FRMPD4: variants seen among roughly 807,000 people sequenced by gnomAD.
The protein encoded by FRMPD4 is FERM and PDZ domain containing 4, also known as FERM and PDZ domain-containing protein 4.
In FRMPD4, 22 loss-of-function variants were observed where a neutral mutation model predicts 94.1. The observed-to-expected ratio is 0.23, with a 90% CI of 0.17 to 0.33. The LOEUF is 0.33. Ranked by LOEUF, FRMPD4 falls within the 10% of genes least tolerant of loss-of-function variation. The probability of loss-of-function intolerance (pLI) is 1.00; values close to 1 mark genes in which losing one functional copy is unlikely to be tolerated. For synonymous variants in FRMPD4, 631 were observed against 548.6 expected (o/e 1.15, Z -2.10); for missense variants, 1,111 against 1,339.9 (o/e 0.83, Z 2.67).
At chrX:12,092,667 T>C (rs2055164020) in intron 3 of FRMPD4, among the ~76,000 whole-genome samples, 1 of 111,672 alleles carries the variant, frequency 9.0e-6, no homozygotes, top group Admixed American at 9.5e-5. Context: ...CCAAACCTCA[T>C]TCCCATTCTC....
In FRMPD4 at chrX:12,593,033, C is replaced by G. The variant is rs146872437; in HGVS notation, c.159-16688C>G. The stretch of plus-strand genomic sequence containing the variant: ...CCTGGGTTGATGACTTCCTAGGCCT[C>G]GTTCAAGACTGGCATCCTTGATTTT... On this transcript the variant is annotated intron_variant, in intron 2 of 16. Transcript: ENST00000675598. Among the ~76,000 whole-genome samples the G allele has an allele frequency of 7.0e-4, 78 of 111,703 alleles. 2 individuals carry two copies. In the East Asian group the frequency reaches 0.021, roughly 30 times the overall value.
intron 4 of FRMPD4, among the ~76,000 whole-genome samples, chrX:12,632,925 A>G (rs1372469611): frequency 8.9e-6 from 1 of 112,433 alleles, no homozygotes; most frequent in Admixed American, 9.4e-5. Flanking sequence ...TCATGCAGTC[A>G]GAAGCTGCTG....
chrX:12,280,289 T>G (rs958265260), intron 1 of FRMPD4, among the ~76,000 whole-genome samples: 3 of 108,954 alleles, frequency 2.8e-5, no homozygotes, highest in Non-Finnish European at 5.7e-5. Flanking sequence ...AAACCAAGTT[T>G]ATGAGCAAAG....
chrX:12,186,461 T>C (rs1004426051), intron 1 of FRMPD4, among the ~76,000 whole-genome samples: 1 of 111,891 alleles, frequency 8.9e-6, no homozygotes, highest in Non-Finnish European at 1.9e-5. Context: ...TCATTGGTGT[T>C]GTTTCTATTT....
intron 1 of FRMPD4, among the ~76,000 whole-genome samples, chrX:12,429,771 G>C (rs1258847169): frequency 8.9e-6 from 1 of 112,248 alleles, no homozygotes; most frequent in Non-Finnish European, 1.9e-5. Context: ...TGTTGGCAAT[G>C]CGATAGGATT....
At chrX:12,662,875 C>T (rs1485323070) in intron 4 of FRMPD4, among the ~76,000 whole-genome samples, 1 of 112,564 alleles carries the variant, frequency 8.9e-6, no homozygotes, top group Non-Finnish European at 1.9e-5. Context: ...TATTTCCTGA[C>T]TCTTTAATGA....
intron 1 of FRMPD4, among the ~76,000 whole-genome samples, chrX:11,844,963 G>A (rs938085671): frequency 9.0e-6 from 1 of 111,691 alleles, no homozygotes; most frequent in African/African-American, 3.3e-5. Context: ...TGGTTTGTCT[G>A]CCAGCTTAAA....
intron 1 of FRMPD4, among the ~76,000 whole-genome samples, chrX:12,388,930 C>T (rs1230890717): frequency 9.6e-6 from 1 of 104,156 alleles, no homozygotes; most frequent in Admixed American, 1.0e-4. Context: ...AATGGGAGAA[C>T]ACTATGCTAA....
intron 2 of FRMPD4, among the ~76,000 whole-genome samples, chrX:12,586,771 C>T: frequency 8.9e-6 from 1 of 111,760 alleles, no homozygotes; most frequent in Middle Eastern, 4.6e-3. Flanking sequence ...AGACACTCTT[C>T]CTTCTCCTTC....
intron 1 of FRMPD4, among the ~76,000 whole-genome samples, chrX:12,190,694 T>TAA (rs35306041): frequency 0.38 from 33,111 of 86,283 alleles, 6,051 homozygotes; most frequent in Non-Finnish European, 0.47. Flanking sequence ...ACATCCACAT[T>TAA]AAAAAAAAAA....
rs1193833012 is a variant in FRMPD4, at chrX:12,396,478, A to G, written c.42-102202A>G. ...TTGTTATCCCACTAATGAATATTCC[A>G]CGTTTTGTTTAATCATTAACTTATA... On this transcript the variant is annotated intron_variant, in intron 1 of 16. Coordinates refer to ENST00000675598, the MANE Select transcript of FRMPD4 (RefSeq NM_001368397.1). 8.9e-5 allele frequency among the ~76,000 whole-genome samples: 10 copies of G among 112,181 alleles called. No homozygotes were observed. In the Admixed American group the frequency reaches 9.5e-4, roughly 11 times the overall value.
At chrX:11,843,145 A>G (rs996559031) in intron 1 of FRMPD4, among the ~76,000 whole-genome samples, 2 of 111,718 alleles carry the variant, frequency 1.8e-5, no homozygotes, top group Non-Finnish European at 3.8e-5. Context: ...TTCCTAAGCT[A>G]TATTCCATTT....
chrX:12,457,709 G>A (rs954261728), intron 1 of FRMPD4, among the ~76,000 whole-genome samples: 1 of 111,899 alleles, frequency 8.9e-6, no homozygotes, highest in African/African-American at 3.2e-5. Flanking sequence ...GAAGTATTAC[G>A]TTAAAGAACC....
At chrX:12,685,136 C>G (rs1366577565) in intron 6 of FRMPD4, among the ~76,000 whole-genome samples, 1 of 111,871 alleles carries the variant, frequency 8.9e-6, no homozygotes, top group Non-Finnish European at 1.9e-5. Context: ...AAGTGAAAGG[C>G]AGGAGGCCTA....
intron 3 of FRMPD4, among the ~76,000 whole-genome samples, chrX:12,029,631 G>C (rs1386486864): frequency 9.0e-6 from 1 of 111,544 alleles, no homozygotes; most frequent in Non-Finnish European, 1.9e-5. Flanking sequence ...TCCATTTCGA[G>C]TTAATTTTTT....
At chrX:12,614,684 C>A in intron 3 of FRMPD4, 95 bp from the exon 4 acceptor site, 3 of 489,973 alleles carry the variant, frequency 6.1e-6, no homozygotes, top group Non-Finnish European at 1.1e-5. Flanking sequence ...TTGCTGATAG[C>A]ACCATTTGCT....
At chrX:12,411,278 G>A (rs1435014732) in intron 1 of FRMPD4, among the ~76,000 whole-genome samples, 2 of 111,740 alleles carry the variant, frequency 1.8e-5, no homozygotes, top group Non-Finnish European at 3.8e-5. Context: ...CCTGTCTTAG[G>A]TCCCGAAAGC....
At chrX:12,650,417 A>G (rs1419158096) in intron 4 of FRMPD4, among the ~76,000 whole-genome samples, 1 of 107,078 alleles carries the variant, frequency 9.3e-6, no homozygotes, top group Non-Finnish European at 2.0e-5. Context: ...TCTATCCACA[A>G]AGTCTAGAAC....
intron 3 of FRMPD4, among the ~76,000 whole-genome samples, chrX:11,952,850 T>A (rs2054232659): frequency 9.0e-6 from 1 of 111,530 alleles, no homozygotes; most frequent in Non-Finnish European, 1.9e-5. Context: ...AACATCAGCG[T>A]CACCTTAAGC....
Sources: allele counts gnomAD v4.1 joint callset (sites outside exome capture counted in the v4.1 genomes callset), GRCh38; gene constraint gnomAD v4.1.1; transcripts MANE v1.5; gene names NCBI Gene and HGNC (gene_info 2026-07-23, HGNC 2026-07-21).